The following CHST8 variants were observed in gnomAD, a reference collection of about 807,000 sequenced individuals.
The protein encoded by CHST8 is GALNAC-4-ST1.
A neutral mutation model predicts 15.0 loss-of-function variants in CHST8; 10 were observed. The observed-to-expected ratio is 0.67, with a 90% CI of 0.41 to 1.13. CHST8 has a LOEUF of 1.13. CHST8 is among the 50% of genes most tolerant of loss of function. The pLI, the probability that CHST8 is intolerant of heterozygous loss-of-function variation, is 0.00. For synonymous variants in CHST8, 259 were observed against 256.6 expected (o/e 1.01, Z -0.09); for missense variants, 634 against 608.2 (o/e 1.04, Z -0.45).
chr19:33,713,807 G>A (rs1426102470), intron 3 of CHST8, among the ~76,000 whole-genome samples: 3 of 152,102 alleles, frequency 2.0e-5, no homozygotes, highest in Non-Finnish European at 2.9e-5. Flanking sequence ...ACGGGCACCC[G>A]CCTTGGCCTC....
At chr19:33,650,901 G>A (rs1367326201) in intron 1 of CHST8, among the ~76,000 whole-genome samples, 1 of 151,938 alleles carries the variant, frequency 6.6e-6, no homozygotes, top group Non-Finnish European at 1.5e-5. Flanking sequence ...TAGAGATGGG[G>A]GTTTCACCAG....
intron 3 of CHST8, among the ~76,000 whole-genome samples, chr19:33,722,010 T>C (rs1383922504): frequency 7.0e-6 from 1 of 142,934 alleles, no homozygotes; most frequent in East Asian, 2.2e-4. Flanking sequence ...GATGGAAAGA[T>C]GGACAGATAG....
chr19:33,759,725 G>A (rs115001215), intron 3 of CHST8, among the ~76,000 whole-genome samples: 2 of 152,174 alleles, frequency 1.3e-5, no homozygotes, highest in Non-Finnish European at 2.9e-5. Flanking sequence ...GTCCTCCTGC[G>A]CAGGGAATAG....
intron 1 of CHST8, among the ~76,000 whole-genome samples, chr19:33,642,708 A>G (rs542778641): frequency 1.3e-5 from 2 of 152,346 alleles, no homozygotes; most frequent in Non-Finnish European, 2.9e-5. Flanking sequence ...CAAGAGCAAA[A>G]AGAAGATTAA....
chr19:33,682,187 G>GTTTTTTTTT (rs869056900), intron 2 of CHST8, among the ~76,000 whole-genome samples: 1 of 95,292 alleles, frequency 1.0e-5, no homozygotes. Context: ...TTTTGTTGTT[G>GTTTTTTTTT]TTTTTTTTTT....
At chr19:33,756,827 G>T (rs1012122940) in intron 3 of CHST8, among the ~76,000 whole-genome samples, 1 of 152,266 alleles carries the variant, frequency 6.6e-6, no homozygotes, top group African/African-American at 2.4e-5. Context: ...CAACCCTCAG[G>T]AGTCTCTCCG....
intron 2 of CHST8, among the ~76,000 whole-genome samples, chr19:33,672,496 GC>G (rs1360986144): frequency 5.9e-5 from 9 of 152,174 alleles, no homozygotes; most frequent in African/African-American, 2.2e-4. Flanking sequence ...CCTGTGCCTG[GC>G]CCCCATCAAA....
At chr19:33,722,067 AGATGGATGGATG>A (rs142959239) in intron 3 of CHST8, among the ~76,000 whole-genome samples, 4 of 73,618 alleles carry the variant, frequency 5.4e-5, no homozygotes, top group African/African-American at 1.8e-4. Context: ...CTGATGGATG[AGATGGATGGATG>A]GATGGATGGA....
chr19:33,714,167 A>G (rs1973615176), intron 3 of CHST8, among the ~76,000 whole-genome samples: 1 of 152,216 alleles, frequency 6.6e-6, no homozygotes, highest in Non-Finnish European at 1.5e-5. Context: ...CCCAAAGGAA[A>G]AGAAGTCACT....
intron 2 of CHST8, among the ~76,000 whole-genome samples, chr19:33,679,937 C>A (rs151209702): frequency 1.1e-4 from 17 of 152,310 alleles, no homozygotes; most frequent in African/African-American, 1.7e-4. Flanking sequence ...CCACATCCAG[C>A]TACTGAGTAA....
chr19:33,756,151 T>C (rs1038363884), intron 3 of CHST8, among the ~76,000 whole-genome samples: 1 of 152,242 alleles, frequency 6.6e-6, no homozygotes, highest in Admixed American at 6.5e-5. Context: ...GAAGACTTCA[T>C]GTTATTGAAT....
intron 3 of CHST8, among the ~76,000 whole-genome samples, chr19:33,758,807 C>T (rs1974657834): frequency 1.3e-5 from 2 of 152,168 alleles, no homozygotes. Context: ...CATTCTTGCA[C>T]TGCTATAAAT....
chr19:33,726,537 C>T (rs752944677), intron 3 of CHST8, among the ~76,000 whole-genome samples: 55 of 151,826 alleles, frequency 3.6e-4, no homozygotes, highest in Non-Finnish European at 5.9e-4. Flanking sequence ...GACCCTGTCT[C>T]AATAATAATA....
At chr19:33,714,328 A>G (rs1053025394) in intron 3 of CHST8, among the ~76,000 whole-genome samples, 44 of 152,202 alleles carry the variant, frequency 2.9e-4, no homozygotes, top group African/African-American at 9.7e-4. Context: ...CCATAAAAAA[A>G]GAATGAAATC....
intron 3 of CHST8, among the ~76,000 whole-genome samples, chr19:33,732,981 A>G (rs1440233220): frequency 1.3e-5 from 2 of 152,078 alleles, no homozygotes; most frequent in Non-Finnish European, 2.9e-5. Context: ...TGCATTATGA[A>G]TTGGGGTTTG....
At chr19:33,736,041 T>C (rs1432201489) in intron 3 of CHST8, among the ~76,000 whole-genome samples, 1 of 152,200 alleles carries the variant, frequency 6.6e-6, no homozygotes, top group East Asian at 1.9e-4. Context: ...TAAGAATCCA[T>C]GGTGACAGAG....
intron 2 of CHST8, among the ~76,000 whole-genome samples, chr19:33,685,928 G>A (rs1274593818): frequency 6.6e-6 from 1 of 152,182 alleles, no homozygotes; most frequent in Non-Finnish European, 1.5e-5. Context: ...GTGTTCTATA[G>A]AGTCCAGTTG....
Position 33,772,485 on chromosome 19 carries a change from C to T in CHST8, c.697C>T (p.Leu233Phe). The change falls in exon 5 of 5, where the codon CTC becomes TTC. Residue 233 changes from leucine to phenylalanine, a missense_variant. Transcript: ENST00000650847. ...QHNTVHYGSA[L>F]KRLDTFDRQG... is the part of the protein sequence containing the mutation. ...CAACACCGTCCACTATGGCAGCGCT[C>T]TCAAGCGCCTGGACACCTTCGACCG... 6.2e-7 allele frequency: 1 copy of T among 1,613,646 alleles called. No homozygotes were observed.
chr19:33,689,289 C>T lies in CHST8; in HGVS notation c.28C>T (p.Leu10=). 1 of 1,606,138 alleles carries T rather than the reference C, an allele frequency of 6.2e-7. No homozygotes were observed. The highest frequency in any genetic ancestry group is 1.1e-5 in the South Asian group (1 of 89,864). MTLRPGTMR[L]ACMFSSILLF... Reference sequence around the variant, plus strand: ...GACCCTGCGACCTGGAACAATGCGGCTGGCCTGCATGTTCTCTTCCATCCT... The same window carrying T: ...GACCCTGCGACCTGGAACAATGCGGTTGGCCTGCATGTTCTCTTCCATCCT... Residue 10 remains leucine, a synonymous_variant, in exon 3 of 5, where the codon CTG becomes TTG. Coordinates refer to ENST00000650847, the MANE Select transcript of CHST8 (RefSeq NM_001127895.2).
Sources: allele counts gnomAD v4.1 joint callset (sites outside exome capture counted in the v4.1 genomes callset), GRCh38; gene constraint gnomAD v4.1.1; transcripts MANE v1.5; gene names NCBI Gene and HGNC (gene_info 2026-07-23, HGNC 2026-07-21).